The following INSL6 variants were observed in gnomAD, a reference collection of about 807,000 sequenced individuals.
The protein encoded by INSL6 is insulin like 6, also known as insulin-like peptide INSL6.
INSL6 carries 16 observed loss-of-function variants against 9.4 expected under a neutral mutation model. The observed-to-expected ratio is 1.70, with a 90% CI of 1.15 to 2.59. The LOEUF (loss-of-function observed/expected upper bound fraction) is 2.59. Ranked by LOEUF, INSL6 falls within the 30% of genes most tolerant of loss-of-function variation. INSL6 has a pLI of 0.00. For missense variants in INSL6, 391 were observed against 257.3 expected (o/e 1.52, Z -3.56); for synonymous variants, 154 against 96.9 (o/e 1.59, Z -3.46).
At chr9:5,068,957 C>T in the INSL6 span, 4 of 892,764 alleles carry the variant, frequency 4.5e-6, no homozygotes, top group Admixed American at 5.3e-5. Flanking sequence ...ATCATTTTGT[C>T]AGAATAATCA....
At chr9:5,037,607 A>T in the INSL6 span, among the ~76,000 whole-genome samples, 2 of 152,322 alleles carry the variant, frequency 1.3e-5, no homozygotes, top group African/African-American at 4.8e-5. Flanking sequence ...TATCGCAAGG[A>T]CAAAAAACCA....
At chr9:5,185,230 G>A in intron 1 of INSL6, 84 bp downstream of exon 1, 1 of 1,548,808 alleles carries the variant, frequency 6.5e-7, no homozygotes, top group Non-Finnish European at 8.9e-7. Context: ...CCACTTCCTG[G>A]GGAAGCTCAC....
intron 1 of INSL6, among the ~76,000 whole-genome samples, chr9:5,170,414 C>A (rs973031232): frequency 1.3e-4 from 20 of 152,076 alleles, no homozygotes; most frequent in Non-Finnish European, 2.9e-5. Flanking sequence ...CTCAAATCAA[C>A]ACCCTAACGT....
At chr9:4,995,086 T>G in the INSL6 span, among the ~76,000 whole-genome samples, 2 of 152,318 alleles carry the variant, frequency 1.3e-5, no homozygotes, top group South Asian at 4.1e-4. Flanking sequence ...TTTACTAACA[T>G]TGTGTTTTCA....
At chr9:5,086,121 GGCGC>G in the INSL6 span, 2 of 434,878 alleles carry the variant, frequency 4.6e-6, no homozygotes, top group South Asian at 5.3e-5. Context: ...CATCGGCAGC[GGCGC>G]GCGGCCCCGG....
At chr9:5,032,444 C>T in the INSL6 span, among the ~76,000 whole-genome samples, 1 of 152,220 alleles carries the variant, frequency 6.6e-6, no homozygotes, top group Non-Finnish European at 1.5e-5. Context: ...GGACAGACTG[C>T]CTCATCAAGT....
chr9:5,003,881 T>G, the INSL6 span, among the ~76,000 whole-genome samples: 2 of 152,092 alleles, frequency 1.3e-5, no homozygotes, highest in African/African-American at 4.8e-5. Flanking sequence ...TATTCCTAGT[T>G]TGAGATTTTA....
At chr9:5,025,527 G>C in the INSL6 span, among the ~76,000 whole-genome samples, 1 of 144,544 alleles carries the variant, frequency 6.9e-6, no homozygotes, top group Non-Finnish European at 1.5e-5. Context: ...TAAGTGGATA[G>C]AGTTTGTTTC....
chr9:5,081,767 G>C, the INSL6 span: 2 of 1,602,564 alleles, frequency 1.2e-6, no homozygotes, highest in African/African-American at 1.3e-5. Context: ...CCAAATATGA[G>C]GATAGGTGCC....
downstream of INSL6, among the ~76,000 whole-genome samples, chr9:5,158,910 A>T (rs1716009928): frequency 6.6e-6 from 1 of 152,134 alleles, no homozygotes; most frequent in Non-Finnish European, 1.5e-5. Context: ...TGAAAGATAA[A>T]ATCATCAAAA....
At chr9:5,120,831 T>C (rs1044371964), downstream of INSL6, among the ~76,000 whole-genome samples, 8 of 152,146 alleles carry the variant, frequency 5.3e-5, no homozygotes, top group African/African-American at 9.7e-5. Flanking sequence ...GATTTTCAAA[T>C]TGAGCAGCTA....
the INSL6 span, among the ~76,000 whole-genome samples, chr9:5,102,291 G>A: frequency 1.3e-5 from 2 of 152,156 alleles, no homozygotes; most frequent in African/African-American, 4.8e-5. Context: ...AAGGGTATCA[G>A]TGATTGAAGA....
chr9:4,994,273 C>T, the INSL6 span, among the ~76,000 whole-genome samples: 431 of 152,290 alleles, frequency 2.8e-3, 2 homozygotes, highest in African/African-American at 0.01. Context: ...CACTTAAAGT[C>T]ACAGTTTCCA....
chr9:5,123,148 G>A (rs767300844), downstream of INSL6: 71 of 1,451,714 alleles, frequency 4.9e-5, no homozygotes, highest in Non-Finnish European at 6.3e-5. Context: ...TTTACTTTCA[G>A]TTTTTTGTTT....
At chr9:5,090,758 C>G in the INSL6 span, 3 of 1,603,368 alleles carry the variant, frequency 1.9e-6, no homozygotes, top group Non-Finnish European at 1.7e-6. Flanking sequence ...TATCTTGGTA[C>G]AAAAAGGTAT....
At chr9:5,185,285 A>G (rs1355375340) in intron 1 of INSL6, 29 bp downstream of exon 1, 3 of 1,613,782 alleles carry the variant, frequency 1.9e-6, no homozygotes, top group Non-Finnish European at 2.5e-6. Context: ...ACAGAGGTGA[A>G]CAAACATGCC....
At chr9:5,111,818 T>G in the INSL6 span, 1 of 418,092 alleles carries the variant, frequency 2.4e-6, no homozygotes, top group Non-Finnish European at 4.7e-6. Flanking sequence ...GTAGGCGGCG[T>G]CTCCAGCCAC....
chr9:5,121,865 T>C (rs1255363664), downstream of INSL6, among the ~76,000 whole-genome samples: 4 of 152,144 alleles, frequency 2.6e-5, no homozygotes, highest in Admixed American at 2.0e-4. Flanking sequence ...ATGAGTGCTA[T>C]ATGAAAACCA....
chr9:4,994,314 G>A, the INSL6 span, among the ~76,000 whole-genome samples: 31 of 152,260 alleles, frequency 2.0e-4, no homozygotes, highest in East Asian at 5.8e-3. Flanking sequence ...AGGATTAACT[G>A]TACTAGAACT....
Sources: gnomAD v4.1 joint callset for allele counts (sites outside exome capture counted in the v4.1 genomes callset) on GRCh38, gnomAD v4.1.1 for gene constraint, MANE v1.5 for transcripts, NCBI Gene and HGNC (gene_info 2026-07-23, HGNC 2026-07-21) for gene names.